MGAT4C: variants seen among roughly 807,000 people sequenced by gnomAD.
The protein encoded by MGAT4C is MGAT4 family member C.
In MGAT4C, 19 loss-of-function variants were observed where a neutral mutation model predicts 40.1. The ratio of observed to expected loss-of-function variants is 0.47; its 90% confidence interval spans 0.33 to 0.70. MGAT4C has a LOEUF of 0.70. Among genes scored for constraint, MGAT4C ranks in the 30% least tolerant of loss-of-function variants. MGAT4C has a pLI of 0.02. For synonymous variants in MGAT4C, 181 were observed against 187.1 expected, an observed-to-expected ratio of 0.97 and a Z score of 0.27; for missense variants, 491 against 563.2, an observed-to-expected ratio of 0.87 and a Z score of 1.30.
At chr12:86,675,101 A>G (rs771420724) in intron 2 of MGAT4C, among the ~76,000 whole-genome samples, 20 of 152,180 alleles carry the variant, frequency 1.3e-4, no homozygotes, top group Non-Finnish European at 2.9e-4. Context: ...CTGCAAATAC[A>G]TGTCATCGTC....
chr12:86,245,427 G>C (rs1353669257), intron 1 of MGAT4C, among the ~76,000 whole-genome samples: 2 of 152,232 alleles, frequency 1.3e-5, no homozygotes, highest in East Asian at 3.9e-4. Flanking sequence ...ACCATGTTCT[G>C]CCTCCTTTTT....
chr12:86,698,418 G>A (rs1950298941), intron 2 of MGAT4C, among the ~76,000 whole-genome samples: 2 of 151,714 alleles, frequency 1.3e-5, no homozygotes, highest in South Asian at 4.2e-4. Flanking sequence ...TAACAGATTG[G>A]CAAATACAAA....
chr12:86,814,105 T>C (rs1294702863), intron 1 of MGAT4C, among the ~76,000 whole-genome samples: 2 of 151,780 alleles, frequency 1.3e-5, no homozygotes, highest in Non-Finnish European at 2.9e-5. Context: ...AGAGACAGGG[T>C]TTCACCGTGT....
intron 1 of MGAT4C, among the ~76,000 whole-genome samples, chr12:86,828,349 T>C (rs1292438100): frequency 6.6e-6 from 1 of 151,398 alleles, no homozygotes; most frequent in East Asian, 1.9e-4. Context: ...TAAGGTAATT[T>C]ATATCTAAAA....
chr12:86,140,334 T>C (rs1347111592), intron 1 of MGAT4C, among the ~76,000 whole-genome samples: 1 of 152,168 alleles, frequency 6.6e-6, no homozygotes, highest in African/African-American at 2.4e-5. Context: ...AATGTGCCCC[T>C]ATGTCCTTTG....
chr12:86,158,187 A>T (rs1002150596), intron 1 of MGAT4C, among the ~76,000 whole-genome samples: 1 of 152,114 alleles, frequency 6.6e-6, no homozygotes, highest in African/African-American at 2.4e-5. Flanking sequence ...CTCATCTGTG[A>T]GTTTCCAGAG....
chr12:86,059,719 G>A (rs1017248882), intron 1 of MGAT4C, among the ~76,000 whole-genome samples: 12 of 152,284 alleles, frequency 7.9e-5, no homozygotes, highest in South Asian at 2.1e-4. Context: ...CTTCAATGTA[G>A]CTGATTACAA....
At chr12:86,189,652 C>G (rs573262310) in intron 1 of MGAT4C, among the ~76,000 whole-genome samples, 1 of 152,114 alleles carries the variant, frequency 6.6e-6, no homozygotes, top group South Asian at 2.1e-4. Context: ...CTTAAAAGCT[C>G]TTTACCTTTG....
At chr12:86,100,659 T>A (rs1234918261) in intron 1 of MGAT4C, among the ~76,000 whole-genome samples, 1 of 151,504 alleles carries the variant, frequency 6.6e-6, no homozygotes. Flanking sequence ...AATTGGTAAA[T>A]TTAAATGTGC....
intron 1 of MGAT4C, among the ~76,000 whole-genome samples, chr12:86,834,362 T>C (rs1952995076): frequency 6.6e-6 from 1 of 151,768 alleles, no homozygotes; most frequent in Non-Finnish European, 1.5e-5. Flanking sequence ...GAGTTAGCCA[T>C]GGACAGAAGA....
chr12:86,374,301 A>C (rs978223233), intron 3 of MGAT4C, among the ~76,000 whole-genome samples: 4 of 152,098 alleles, frequency 2.6e-5, no homozygotes, highest in Non-Finnish European at 5.9e-5. Context: ...ATTTCTGAAA[A>C]AGTATGTTGA....
At position 85,959,678 on chromosome 12, in the gene MGAT4C, A is replaced by C. The variant is rs993641296; in HGVS notation, c.*19611T>G. ...AGCAACCGCCGCTCATCTTTCACTC[A>C]CCTTAACAATTTCTCACTTTTTTCT... is the stretch of plus-strand genomic sequence containing the variant. On this transcript the variant is annotated 3_prime_UTR_variant, in exon 5 of 5. Transcript: ENST00000611864. 3 of 146,830 alleles carry C rather than the reference A, an allele frequency of 2.0e-5. No homozygotes were observed. The highest frequency in any genetic ancestry group is 7.5e-5 in the African/African-American group (3 of 40,058). The allele number at this position is 146,830 out of a possible 1,614,324, so 9.1% of individuals were successfully genotyped here.
chr12:86,557,525 T>C (rs1352566507), intron 2 of MGAT4C, among the ~76,000 whole-genome samples: 1 of 152,166 alleles, frequency 6.6e-6, no homozygotes, highest in Non-Finnish European at 1.5e-5. Flanking sequence ...GCCTGAGGAC[T>C]GGCCCACCTG....
At chr12:86,457,215 C>A (rs1957524165) in intron 2 of MGAT4C, among the ~76,000 whole-genome samples, 1 of 152,004 alleles carries the variant, frequency 6.6e-6, no homozygotes, top group African/African-American at 2.4e-5. Context: ...AATTTAATAA[C>A]TAGTCAACTA....
intron 2 of MGAT4C, among the ~76,000 whole-genome samples, chr12:86,658,389 C>T (rs187589545): frequency 6.6e-6 from 1 of 152,112 alleles, no homozygotes; most frequent in African/African-American, 2.4e-5. Context: ...TCAAGAGAGA[C>T]AAGCATTTAA....
intron 4 of MGAT4C, among the ~76,000 whole-genome samples, chr12:86,316,559 T>G (rs1325579332): frequency 2.0e-5 from 3 of 152,142 alleles, no homozygotes; most frequent in African/African-American, 7.2e-5. Flanking sequence ...GATCATGTTC[T>G]TTGCAGCAAC....
intron 4 of MGAT4C, among the ~76,000 whole-genome samples, chr12:86,277,265 TA>T (rs1953099853): frequency 6.6e-6 from 1 of 152,194 alleles, no homozygotes; most frequent in Admixed American, 6.5e-5. Context: ...TTTTGATTAT[TA>T]TTTTTCTTAT....
intron 2 of MGAT4C, among the ~76,000 whole-genome samples, chr12:86,043,820 G>A (rs942556592): frequency 5.3e-5 from 8 of 152,130 alleles, no homozygotes; most frequent in Non-Finnish European, 1.2e-4. Context: ...ATTGGGTTTT[G>A]ACTTTCTCCT....
At chr12:86,400,801 T>C (rs9971936) in intron 3 of MGAT4C, among the ~76,000 whole-genome samples, 98 of 152,308 alleles carry the variant, frequency 6.4e-4, no homozygotes, top group African/African-American at 2.4e-3. Flanking sequence ...GTAGTCATAA[T>C]GACAAAAACA....
Sources: gnomAD v4.1 joint callset for allele counts (sites outside exome capture counted in the v4.1 genomes callset) on GRCh38, gnomAD v4.1.1 for gene constraint, MANE v1.5 for transcripts, NCBI Gene and HGNC (gene_info 2026-07-23, HGNC 2026-07-21) for gene names.